The following GRIP2 variants were observed in gnomAD, a reference collection of about 807,000 sequenced individuals.
The protein encoded by GRIP2 is glutamate receptor-interacting protein 2.
A neutral mutation model predicts 108.3 loss-of-function variants in GRIP2; 58 were observed. The observed-to-expected ratio is 0.54, with a 90% CI of 0.43 to 0.67. The LOEUF is 0.67. Ranked by LOEUF, GRIP2 falls within the 30% of genes least tolerant of loss-of-function variation. The pLI is 0.00. For synonymous variants in GRIP2, 586 were observed against 598.2 expected (o/e 0.98, Z 0.30); for missense variants, 1,278 against 1,430.6 (o/e 0.89, Z 1.72).
In GRIP2 at chr3:14,522,891, C is replaced by A; in HGVS notation, c.566+109G>T. On this transcript the variant is annotated intron_variant, in intron 6 of 23. Coordinates refer to ENST00000621039, the MANE Select transcript of GRIP2 (RefSeq NM_001080423.4). The surrounding 1 kb of genome is among the most constrained non-coding windows in gnomAD (Gnocchi z 4.3). Reference sequence around the variant, plus strand: ...CCGGGCAGGGAGTGTTCCCTCAGGGCCTCGATCTCTTCATCTGGGGAAGGG... The same window carrying A: ...CCGGGCAGGGAGTGTTCCCTCAGGGACTCGATCTCTTCATCTGGGGAAGGG... 1 of 896,024 alleles carries A rather than the reference C, an allele frequency of 1.1e-6. No individual in the cohort carries two copies. 55.5% of individuals were successfully genotyped at this position (896,024 alleles called of 1,614,324 possible).
intron 1 of GRIP2, among the ~76,000 whole-genome samples, chr3:14,553,560 C>A (rs1246946117): frequency 1.3e-5 from 2 of 152,150 alleles, no homozygotes; most frequent in Admixed American, 1.3e-4. Context: ...ACCCTCGAGT[C>A]TCAGTTTGGA....
At position 14,489,902 on chromosome 3, in the gene GRIP2, G is replaced by C. The variant is rs946607426; in HGVS notation, c.*3763C>G. ...AGGTGCAGGCGCTCATTAATACCCAGTTAGGGGCTCTCTGGGGTCACAACA... is the reference window on the plus strand; with the variant it reads ...AGGTGCAGGCGCTCATTAATACCCACTTAGGGGCTCTCTGGGGTCACAACA... On this transcript the variant is annotated 3_prime_UTR_variant, in exon 24 of 24. Transcript: ENST00000621039. The C allele has an allele frequency of 6.6e-6, 1 of 152,166 alleles. No individual in the cohort carries two copies. The highest frequency in any genetic ancestry group is 2.1e-4 in the South Asian group (1 of 4,816). The allele number at this position is 152,166 out of a possible 1,614,324, so 9.4% of individuals were successfully genotyped here.
Position 14,513,882 on chromosome 3 carries a change from G to C in GRIP2, c.1494-72C>G, listed in dbSNP as rs1694172161. On this transcript the variant is annotated intron_variant, in intron 12 of 23. Transcript: ENST00000621039. ...CATTGGGAGACAAGAACGCCATGCA[G>C]GGCAGGACTGAACCTGGGTCACACC... is the stretch of plus-strand genomic sequence containing the variant. 3.9e-6 allele frequency: 6 copies of C among 1,548,854 alleles called. No homozygotes were observed. In the Admixed American group the frequency reaches 7.2e-5, roughly 19 times the overall value.
At chr3:14,595,551 C>T in the GRIP2 span, among the ~76,000 whole-genome samples, 149 of 152,270 alleles carry the variant, frequency 9.8e-4, no homozygotes, top group African/African-American at 3.3e-3. Flanking sequence ...ACTGAGGCCC[C>T]GAAAGGTCAG....
At chr3:14,569,325 G>C in the GRIP2 span, among the ~76,000 whole-genome samples, 1 of 152,226 alleles carries the variant, frequency 6.6e-6, no homozygotes, top group South Asian at 2.1e-4. Context: ...AAAGCTTCTG[G>C]TCCAAACTAC....
chr3:14,549,640 G>A (rs1472265299), intron 1 of GRIP2, among the ~76,000 whole-genome samples: 1 of 152,188 alleles, frequency 6.6e-6, no homozygotes, highest in Non-Finnish European at 1.5e-5. Context: ...CAGAGAAAAT[G>A]GGAACATAAG....
chr3:14,515,605 T>A lies in GRIP2; in HGVS notation c.1307-1127A>T, dbSNP rs558020709. On this transcript the variant is annotated intron_variant, in intron 11 of 23. Coordinates refer to ENST00000621039, the MANE Select transcript of GRIP2 (RefSeq NM_001080423.4). The stretch of plus-strand genomic sequence containing the variant: ...ATACATTACAAAATGTGTAATATGT[T>A]ATGTTTTTAGGTATATTGTGTTTTT... Among the ~76,000 whole-genome samples the A allele has an allele frequency of 2.0e-5, 3 of 152,186 alleles. No homozygotes were observed. In the South Asian group the frequency reaches 6.2e-4, roughly 32 times the overall value.
chr3:14,506,336 G>A (rs554379812), intron 19 of GRIP2, among the ~76,000 whole-genome samples: 6 of 152,350 alleles, frequency 3.9e-5, no homozygotes, highest in South Asian at 2.1e-4. Flanking sequence ...GGCCACCTCC[G>A]GGTCTCAACA....
At chr3:14,583,640 A>G in the GRIP2 span, among the ~76,000 whole-genome samples, 2 of 152,216 alleles carry the variant, frequency 1.3e-5, no homozygotes, top group East Asian at 1.9e-4. Flanking sequence ...AGGTTAAAGG[A>G]AGAATAATCA....
chr3:14,581,332 C>T, the GRIP2 span, among the ~76,000 whole-genome samples: 1 of 152,224 alleles, frequency 6.6e-6, no homozygotes, highest in Non-Finnish European at 1.5e-5. Context: ...GAGACCCCCT[C>T]CCTTACCCCC....
chr3:14,586,435 G>A, the GRIP2 span, among the ~76,000 whole-genome samples: 1 of 152,222 alleles, frequency 6.6e-6, no homozygotes. Context: ...GCAGGGCTGG[G>A]TGCCAGGGCC....
chr3:14,520,505 C>T lies in GRIP2; in HGVS notation c.745G>A (p.Val249Met). 1 of 1,613,970 alleles carries T rather than the reference C, an allele frequency of 6.2e-7. No homozygotes were observed. The highest frequency in any genetic ancestry group is 8.5e-7 in the Non-Finnish European group (1 of 1,179,884). Reference protein sequence around the residue: ...TVANASGPLMVEIVKTPGSAL... With the variant: ...TVANASGPLMMEIVKTPGSAL... ...GACCCTGGCGTCTTGACTATTTCCACCATCAAGGGTCCCGAAGCATTAGCC... is the reference window on the plus strand; with the variant it reads ...GACCCTGGCGTCTTGACTATTTCCATCATCAAGGGTCCCGAAGCATTAGCC... The change falls in exon 8 of 24, where the codon GTG (valine) becomes ATG (methionine). Residue 249 changes from valine (V) to methionine (M), a missense_variant. Physicochemically the swap from Val to Met is conservative, Grantham distance 21. Transcript: ENST00000621039.
At chr3:14,534,366 AG>A (rs10717653) in intron 1 of GRIP2, among the ~76,000 whole-genome samples, 3,673 of 152,258 alleles carry the variant, frequency 0.024, 131 homozygotes, top group African/African-American at 0.083. Context: ...GTCAGACCCT[AG>A]GCCCCCTCCT....
At chr3:14,565,111 C>A in the GRIP2 span, among the ~76,000 whole-genome samples, 1 of 152,134 alleles carries the variant, frequency 6.6e-6, no homozygotes, top group East Asian at 1.9e-4. Context: ...TTTTCCAGGT[C>A]AGAAGTGGGA....
chr3:14,518,057 G>A (rs371601203), intron 9 of GRIP2, among the ~76,000 whole-genome samples, 160 bp from the exon 10 acceptor site: 22 of 152,182 alleles, frequency 1.4e-4, no homozygotes, highest in African/African-American at 4.3e-4. Context: ...ACAATGTGCC[G>A]GGCACTGTGT....
At chr3:14,581,902 G>T in the GRIP2 span, among the ~76,000 whole-genome samples, 1 of 152,222 alleles carries the variant, frequency 6.6e-6, no homozygotes, top group African/African-American at 2.4e-5. Context: ...GTTTGGCCTG[G>T]CCTCTGTTTT....
At chr3:14,575,712 G>A in the GRIP2 span, among the ~76,000 whole-genome samples, 1 of 152,250 alleles carries the variant, frequency 6.6e-6, no homozygotes, top group Non-Finnish European at 1.5e-5. Context: ...TAACAAAAGG[G>A]TGGAGAGGAA....
At chr3:14,574,088 C>T in the GRIP2 span, 3 of 1,323,198 alleles carry the variant, frequency 2.3e-6, no homozygotes, top group Non-Finnish European at 3.3e-6. Flanking sequence ...CCCAGTGGTT[C>T]CACAGAATCG....
chr3:14,564,217 T>C, the GRIP2 span, among the ~76,000 whole-genome samples: 1 of 152,212 alleles, frequency 6.6e-6, no homozygotes, highest in Non-Finnish European at 1.5e-5. Context: ...TTAATATTCC[T>C]GGCACTGCCT....
Sources: gnomAD v4.1 joint callset for allele counts (sites outside exome capture counted in the v4.1 genomes callset) on GRCh38, gnomAD v4.1.1 for gene constraint, Gnocchi (gnomAD v3.1) non-coding constraint, MANE v1.5 for transcripts, NCBI Gene and HGNC (gene_info 2026-07-23, HGNC 2026-07-21) for gene names.